The following SGCD variants were observed in gnomAD, a reference collection of about 807,000 sequenced individuals.
SGCD encodes the protein sarcoglycan delta.
In SGCD, 18 loss-of-function variants were observed where a neutral mutation model predicts 36.6. The observed-to-expected ratio is 0.49, with a 90% CI of 0.34 to 0.73. SGCD has a LOEUF of 0.73. Ranked by LOEUF, SGCD falls within the 30% of genes least tolerant of loss-of-function variation. SGCD has a pLI of 0.01. For synonymous variants in SGCD, 133 were observed against 130.6 expected (o/e 1.02, Z -0.12); for missense variants, 387 against 346.7 (o/e 1.12, Z -0.92).
At chr5:156,317,146 T>C (rs769338131) in intron 3 of SGCD, among the ~76,000 whole-genome samples, 5 of 152,112 alleles carry the variant, frequency 3.3e-5, no homozygotes, top group Non-Finnish European at 5.9e-5. Flanking sequence ...CTATTCTGAA[T>C]CTATTTAAAT....
chr5:155,882,364 C>T (rs1019877597), intron 1 of SGCD, among the ~76,000 whole-genome samples: 17 of 152,272 alleles, frequency 1.1e-4, no homozygotes, highest in African/African-American at 4.1e-4. Flanking sequence ...CAGACATGAG[C>T]CACTGTTCCT....
chr5:156,084,704 T>G (rs987422223), intron 1 of SGCD, among the ~76,000 whole-genome samples: 2 of 152,238 alleles, frequency 1.3e-5, no homozygotes, highest in Non-Finnish European at 2.9e-5. Flanking sequence ...TGCCTTGTTG[T>G]GCTGACTAGG....
chr5:155,841,010 C>CAAAAAAAAA, the SGCD span, among the ~76,000 whole-genome samples: 17 of 61,072 alleles, frequency 2.8e-4, 2 homozygotes, highest in African/African-American at 1.2e-3. Context: ...GACTCCATCT[C>CAAAAAAAAA]AAAAAAAAAA....
the SGCD span, among the ~76,000 whole-genome samples, chr5:155,801,301 T>C: frequency 6.6e-6 from 1 of 152,198 alleles, no homozygotes; most frequent in Admixed American, 6.5e-5. Context: ...CCCCTCTGCA[T>C]CTGGTCTTCC....
chr5:155,994,812 A>G (rs1383971802), intron 1 of SGCD, among the ~76,000 whole-genome samples: 1 of 152,182 alleles, frequency 6.6e-6, no homozygotes, highest in Non-Finnish European at 1.5e-5. Context: ...GGTGAGGCCT[A>G]AGAACCCATA....
chr5:156,003,083 A>G (rs777879672), intron 1 of SGCD, among the ~76,000 whole-genome samples: 2 of 152,128 alleles, frequency 1.3e-5, no homozygotes, highest in African/African-American at 2.4e-5. Context: ...CCCAAATCCC[A>G]CTTACCTCGT....
intron 1 of SGCD, among the ~76,000 whole-genome samples, chr5:155,877,549 A>G (rs1203912598): frequency 6.6e-6 from 1 of 152,122 alleles, no homozygotes; most frequent in Non-Finnish European, 1.5e-5. Flanking sequence ...TGCCCAGTTC[A>G]GAGTAAGCAC....
chr5:156,679,190 G>A (rs576103116), intron 7 of SGCD, among the ~76,000 whole-genome samples: 18 of 152,272 alleles, frequency 1.2e-4, no homozygotes, highest in Middle Eastern at 6.8e-3. Context: ...CAAATCTAAC[G>A]TCTTTCTAAG....
At chr5:156,695,564 G>T (rs922867196) in intron 7 of SGCD, among the ~76,000 whole-genome samples, 1 of 126,132 alleles carries the variant, frequency 7.9e-6, no homozygotes, top group African/African-American at 2.9e-5. Context: ...TAGATAGATA[G>T]ATAGATATCC....
intron 4 of SGCD, among the ~76,000 whole-genome samples, chr5:156,566,747 T>G (rs1383713145): frequency 6.6e-6 from 1 of 152,202 alleles, no homozygotes; most frequent in Non-Finnish European, 1.5e-5. Flanking sequence ...TTAAGACTGT[T>G]TCTCCCTTTG....
chr5:155,810,739 T>C, the SGCD span, among the ~76,000 whole-genome samples: 1 of 144,630 alleles, frequency 6.9e-6, no homozygotes. Flanking sequence ...CTCGAAAATA[T>C]CAATCATGAT....
chr5:156,675,540 G>C (rs1326663942), intron 7 of SGCD, among the ~76,000 whole-genome samples: 1 of 152,192 alleles, frequency 6.6e-6, no homozygotes. Flanking sequence ...AACCCTGCTT[G>C]TGAAATGTTC....
chr5:155,766,434 C>T, the SGCD span, among the ~76,000 whole-genome samples: 17 of 152,084 alleles, frequency 1.1e-4, no homozygotes, highest in African/African-American at 4.1e-4. Context: ...GAAGAATGGA[C>T]TATGTGTTTA....
chr5:156,342,934 C>G (rs1446280842), intron 2 of SGCD, among the ~76,000 whole-genome samples: 1 of 152,134 alleles, frequency 6.6e-6, no homozygotes, highest in East Asian at 1.9e-4. Flanking sequence ...GATTTCGGCA[C>G]TAGGGTATGT....
In SGCD at chr5:156,234,221, T is replaced by C. The variant is rs537947066; in HGVS notation, c.-43-95313T>C. ...ATTTACATTTTTAGCCTATTTTTAG[T>C]TGGGTTGTCTATCTTTTTATTATTG... is the stretch of plus-strand genomic sequence containing the variant. On this transcript the variant is annotated intron_variant, in intron 3 of 9. Transcript: ENST00000517913. 4.6e-5 allele frequency among the ~76,000 whole-genome samples: 7 copies of C among 152,352 alleles called. No homozygotes were observed. The East Asian group carries it at 1.3e-3, about 29-fold the overall frequency.
the SGCD span, among the ~76,000 whole-genome samples, chr5:155,733,610 G>A: frequency 6.6e-6 from 1 of 151,194 alleles, no homozygotes; most frequent in Non-Finnish European, 1.5e-5. Flanking sequence ...TATTTTTAAA[G>A]GGCTTCATTA....
intron 3 of SGCD, among the ~76,000 whole-genome samples, chr5:156,436,285 ATGT>A (rs1753242441): frequency 6.6e-6 from 1 of 152,236 alleles, no homozygotes; most frequent in South Asian, 2.1e-4. Context: ...TTAAAATGCT[ATGT>A]TGTTCTCTCA....
At chr5:156,152,209 G>C (rs1762849837) in intron 3 of SGCD, among the ~76,000 whole-genome samples, 3 of 151,024 alleles carry the variant, frequency 2.0e-5, no homozygotes, top group Admixed American at 2.0e-4. Context: ...CTTTTTCTTT[G>C]ATTAGACTTT....
At chr5:156,249,463 C>T (rs1325658296) in intron 3 of SGCD, among the ~76,000 whole-genome samples, 2 of 152,160 alleles carry the variant, frequency 1.3e-5, no homozygotes, top group African/African-American at 4.8e-5. Context: ...CCCTAATATT[C>T]CTGCTTGTAG....
Sources: allele counts gnomAD v4.1 joint callset (sites outside exome capture counted in the v4.1 genomes callset), GRCh38; gene constraint gnomAD v4.1.1; transcripts MANE v1.5; gene names NCBI Gene and HGNC (gene_info 2026-07-23, HGNC 2026-07-21).